The following LNX2 variants were observed in gnomAD, a reference collection of about 807,000 sequenced individuals.
The protein encoded by LNX2 is ligand of Numb protein X 2.
Under a neutral mutation model 66.2 loss-of-function variants are expected in LNX2, and 35 were observed. The ratio of observed to expected loss-of-function variants is 0.53; its 90% CI spans 0.40 to 0.70. The LOEUF (loss-of-function observed/expected upper bound fraction) is 0.70, where lower values mean the gene tolerates loss of function less well. LNX2 is among the 30% of genes least tolerant of loss of function. The pLI, the probability that LNX2 is intolerant of heterozygous loss-of-function variation, is 0.00. For missense variants in LNX2, 791 were observed against 850.8 expected (o/e 0.93, Z 0.87); for synonymous variants, 337 against 315.6 (o/e 1.07, Z -0.72).
In LNX2 at chr13:27,574,785, A is replaced by AGTTTTC. The variant is rs544920642; in HGVS notation, c.408-5510_408-5509insGAAAAC. On this transcript the variant is annotated intron_variant, in intron 2 of 9. Transcript: ENST00000316334. Reference sequence around the variant, plus strand: ...CCTCATAATAAAACTGGTGAAAGCCAAAGATAAGGAATCTTGAAAACAGTA... The same window carrying AGTTTTC: ...CCTCATAATAAAACTGGTGAAAGCCAGTTTTCAAGATAAGGAATCTTGAAAACAGTA... 1.9e-3 allele frequency among the ~76,000 whole-genome samples: 295 copies of AGTTTTC among 152,368 alleles called. 3 individuals are homozygous for AGTTTTC. Among genetic ancestry groups the AGTTTTC allele is most frequent in the African/African-American group, 6.6e-3 (273 of 41,586 alleles).
At chr13:27,588,701 T>C (rs570813011) in intron 1 of LNX2, among the ~76,000 whole-genome samples, 4 of 152,232 alleles carry the variant, frequency 2.6e-5, no homozygotes, top group South Asian at 2.1e-4. Context: ...TCTACAATTA[T>C]CACAAAATAA....
intron 2 of LNX2, among the ~76,000 whole-genome samples, chr13:27,574,423 A>G (rs971366964): frequency 7.4e-6 from 1 of 134,426 alleles, no homozygotes; most frequent in African/African-American, 3.0e-5. Context: ...CAAAAAAACA[A>G]AACAGAAAAA....
At chr13:27,574,529 A>AG (rs1955322386) in intron 2 of LNX2, among the ~76,000 whole-genome samples, 1 of 151,216 alleles carries the variant, frequency 6.6e-6, no homozygotes, top group Non-Finnish European at 1.5e-5. Context: ...GGAACAGGGA[A>AG]GAAAAAAAAA....
At position 27,581,378 on chromosome 13, in the gene LNX2, T is replaced by C. The variant is rs1427884051; in HGVS notation, c.326A>G (p.Lys109Arg). 1 of 1,581,188 alleles carries C rather than the reference T, an allele frequency of 6.3e-7. No individual in the cohort carries two copies. Among genetic ancestry groups the C allele is most frequent in the African/African-American group, 1.4e-5 (1 of 73,888 alleles). Reference protein sequence around the residue: ...SSILVHKLLDKLLVLCPFSSV... With the variant: ...SSILVHKLLDRLLVLCPFSSV... ...AGAAAATGGACATAAAACTAATAAT[T>C]TGTCTAGGAGTTTATGAACTAGAAT... Residue 109 changes from lysine to arginine, a missense_variant, in exon 2 of 10, where the codon AAA becomes AGA. By Grantham distance (26) the Lys-to-Arg change is conservative. Coordinates refer to ENST00000316334, the MANE Select transcript of LNX2 (RefSeq NM_153371.4).
chr13:27,598,116 T>C (rs1955619169), intron 1 of LNX2, among the ~76,000 whole-genome samples: 1 of 151,258 alleles, frequency 6.6e-6, no homozygotes, highest in South Asian at 2.1e-4. Context: ...CTAAACAATC[T>C]ACAAAGCTTC....
intron 4 of LNX2, 108 bp from the exon 5 acceptor site, chr13:27,562,889 A>C: frequency 1.8e-6 from 2 of 1,115,506 alleles, no homozygotes; most frequent in Non-Finnish European, 1.3e-6. Context: ...GAGAGTGCTA[A>C]GTATGGTGAG....
chr13:27,582,556 G>C (rs568440165), intron 1 of LNX2, among the ~76,000 whole-genome samples: 14 of 152,142 alleles, frequency 9.2e-5, no homozygotes, highest in Non-Finnish European at 7.3e-5. Flanking sequence ...GCTTCTGATT[G>C]ATTTTACACA....
chr13:27,565,912 T>C (rs1955200160), intron 4 of LNX2, among the ~76,000 whole-genome samples: 3 of 152,294 alleles, frequency 2.0e-5, no homozygotes, highest in South Asian at 4.1e-4. Context: ...AGTCTAGAGA[T>C]TTCTTTTCAA....
At chr13:27,597,510 T>A (rs571291051) in intron 1 of LNX2, among the ~76,000 whole-genome samples, 5 of 151,646 alleles carry the variant, frequency 3.3e-5, no homozygotes, top group African/African-American at 1.2e-4. Flanking sequence ...GTAACGGGGG[T>A]GGATGGACAG....
In LNX2 at chr13:27,553,404, T is replaced by C; in HGVS notation, c.1582A>G (p.Thr528Ala). Residue 528 changes from threonine (T) to alanine (A), a missense_variant, in exon 8 of 10, where the codon ACC becomes GCC. Coordinates refer to ENST00000316334, the MANE Select transcript of LNX2 (RefSeq NM_153371.4). ...ACTGCCTCACTGTGACTTAAATTGG[T>C]CAAATCAATGCCGTTGATATTTAGC... ...VLLNINGIDLTNLSHSEAVAM... is the reference protein window; with the variant it reads ...VLLNINGIDLANLSHSEAVAM... 1 of 1,614,158 alleles carries C rather than the reference T, an allele frequency of 6.2e-7. No homozygotes were observed. Among genetic ancestry groups the C allele is most frequent in the African/African-American group, 1.3e-5 (1 of 75,030 alleles).
intron 1 of LNX2, among the ~76,000 whole-genome samples, chr13:27,601,019 G>A (rs537333662): frequency 2.6e-5 from 4 of 152,266 alleles, no homozygotes; most frequent in South Asian, 4.1e-4. Context: ...CAAACAACCC[G>A]GAAGAGTCTT....
intron 1 of LNX2, among the ~76,000 whole-genome samples, chr13:27,606,390 A>C (rs1001968802): frequency 7.3e-5 from 11 of 151,560 alleles, no homozygotes; most frequent in Non-Finnish European, 1.3e-4. Flanking sequence ...AAAAAAAAAA[A>C]AGAGAGAAAA....
chr13:27,550,473 G>A lies in LNX2; in HGVS notation c.1797C>T (p.His599=), dbSNP rs1032714186. 6.2e-6 allele frequency: 10 copies of A among 1,613,696 alleles called. No individual in the cohort carries two copies. Among genetic ancestry groups the A allele is most frequent in the African/African-American group, 1.3e-5 (1 of 74,882 alleles). The change falls in exon 9 of 10, where the codon CAC becomes CAT. Residue 599 remains histidine, a synonymous_variant. Transcript: ENST00000316334. ...AGTAACTTCTTCGTAAAACTATATCGTGGCAGCTATGAAGTGTGCTATAAA... is the reference window on the plus strand; with the variant it reads ...AGTAACTTCTTCGTAAAACTATATCATGGCAGCTATGAAGTGTGCTATAAA... ...LGLPSTLHSC[H]DIVLRRSYLG...
intron 1 of LNX2, among the ~76,000 whole-genome samples, chr13:27,583,226 G>GTCC (rs1555268494): frequency 3.4e-5 from 1 of 29,508 alleles, no homozygotes; most frequent in African/African-American, 2.2e-4. Flanking sequence ...GTGTGTGTGT[G>GTCC]TGTGTGTGTG....
At chr13:27,575,433 G>A (rs1407851044) in intron 2 of LNX2, among the ~76,000 whole-genome samples, 7 of 152,190 alleles carry the variant, frequency 4.6e-5, no homozygotes, top group Non-Finnish European at 1.0e-4. Context: ...AAAGTATAAA[G>A]TAGATTGCCC....
At chr13:27,573,312 G>A (rs1349468327) in intron 2 of LNX2, among the ~76,000 whole-genome samples, 2 of 151,964 alleles carry the variant, frequency 1.3e-5, no homozygotes, top group Non-Finnish European at 2.9e-5. Flanking sequence ...TTGTGTGCTT[G>A]TCTTTTTTCT....
At position 27,563,405 on chromosome 13, in the gene LNX2, T is replaced by A. The variant is rs540452274; in HGVS notation, c.856-624A>T. Among the ~76,000 whole-genome samples the A allele has an allele frequency of 3.9e-5, 6 of 152,274 alleles. No homozygotes were observed. The South Asian group carries it at 1.2e-3, about 32-fold the overall frequency. ...AATTCTTCAGCACAGAAATATTAGG[T>A]TGGTGCAAAAGTAATTACGGTTTTT... On this transcript the variant is annotated intron_variant, in intron 4 of 9. Transcript: ENST00000316334.
chr13:27,600,775 C>A (rs1269747352), intron 1 of LNX2, among the ~76,000 whole-genome samples: 1 of 152,142 alleles, frequency 6.6e-6, no homozygotes, highest in African/African-American at 2.4e-5. Context: ...ACAAATGCCC[C>A]AGAATTACAT....
chr13:27,617,445 C>G (rs1955839268), intron 1 of LNX2, among the ~76,000 whole-genome samples: 1 of 152,188 alleles, frequency 6.6e-6, no homozygotes, highest in South Asian at 2.1e-4. Flanking sequence ...TAAATAGTTC[C>G]TCATAATACA....
Sources: gnomAD v4.1 joint callset for allele counts (sites outside exome capture counted in the v4.1 genomes callset) on GRCh38, gnomAD v4.1.1 for gene constraint, MANE v1.5 for transcripts, NCBI Gene and HGNC (gene_info 2026-07-23, HGNC 2026-07-21) for gene names.